MAML3: variants seen among roughly 807,000 people sequenced by gnomAD.
The protein encoded by MAML3 is mastermind like transcriptional coactivator 3, also known as mastermind-like protein 3.
MAML3 carries 27 observed loss-of-function variants against 101.9 expected under a neutral mutation model. The observed-to-expected ratio is 0.27, with a 90% CI of 0.20 to 0.37. The LOEUF is 0.37. MAML3 is among the 10% of genes least tolerant of loss of function. MAML3 has a pLI of 1.00. For missense variants in MAML3, 1,316 were observed against 1,444.9 expected (o/e 0.91, Z 1.45); for synonymous variants, 501 against 555.9 (o/e 0.90, Z 1.39).
chr4:139,879,902 G>T (rs1732185845), intron 2 of MAML3, among the ~76,000 whole-genome samples: 1 of 152,200 alleles, frequency 6.6e-6, no homozygotes, highest in Non-Finnish European at 1.5e-5. Flanking sequence ...GCTGGGTGTG[G>T]TGGCTCACGC....
chr4:139,802,604 C>G (rs1730628651), intron 2 of MAML3, among the ~76,000 whole-genome samples: 1 of 152,062 alleles, frequency 6.6e-6, no homozygotes, highest in African/African-American at 2.4e-5. Flanking sequence ...AAAATGAGTA[C>G]AGTTGTTTGT....
chr4:140,025,128 G>A (rs1726799335), intron 1 of MAML3, among the ~76,000 whole-genome samples: 1 of 152,156 alleles, frequency 6.6e-6, no homozygotes, highest in African/African-American at 2.4e-5. Flanking sequence ...GGACTTTGTC[G>A]GGATCCTGAT....
intron 2 of MAML3, among the ~76,000 whole-genome samples, chr4:139,845,035 A>T (rs1200901624): frequency 1.3e-5 from 2 of 151,018 alleles, no homozygotes; most frequent in Non-Finnish European, 3.0e-5. Flanking sequence ...CCTCTGCCCC[A>T]ACACAGCATC....
At chr4:140,078,027 A>AT (rs61154502) in intron 1 of MAML3, among the ~76,000 whole-genome samples, 129,067 of 149,474 alleles carry the variant, frequency 0.86, 56,749 homozygotes, top group East Asian at 0.96. Flanking sequence ...AAATAAATAA[A>AT]AAAATAAATA....
chr4:139,888,166 G>A (rs983788393), intron 2 of MAML3, among the ~76,000 whole-genome samples: 2 of 152,080 alleles, frequency 1.3e-5, no homozygotes, highest in Non-Finnish European at 2.9e-5. Flanking sequence ...GCTCCATCAA[G>A]CTTGGGGTTT....
chr4:140,068,710 G>A (rs575060276), intron 1 of MAML3, among the ~76,000 whole-genome samples: 14 of 152,240 alleles, frequency 9.2e-5, no homozygotes, highest in Admixed American at 4.6e-4. Context: ...TCATATTGCT[G>A]TGAGGATTTA....
At chr4:139,883,962 A>T (rs552274586) in intron 2 of MAML3, among the ~76,000 whole-genome samples, 28 of 137,574 alleles carry the variant, frequency 2.0e-4, no homozygotes, top group South Asian at 9.5e-4. Context: ...AGTCACTGAA[A>T]CCCCTGCCTC....
chr4:140,063,130 A>T (rs2110941182), intron 1 of MAML3, among the ~76,000 whole-genome samples: 1 of 152,308 alleles, frequency 6.6e-6, no homozygotes, highest in East Asian at 1.9e-4. Flanking sequence ...AATCTGCTTA[A>T]GACCATAGGG....
chr4:140,082,797 T>C (rs923891840), intron 1 of MAML3, among the ~76,000 whole-genome samples: 1 of 151,920 alleles, frequency 6.6e-6, no homozygotes, highest in South Asian at 2.1e-4. Flanking sequence ...AATCCCGAAG[T>C]TGGAGACCAC....
intron 1 of MAML3, among the ~76,000 whole-genome samples, chr4:139,913,287 G>A (rs908472127): frequency 5.9e-5 from 9 of 152,162 alleles, no homozygotes; most frequent in African/African-American, 2.2e-4. Flanking sequence ...TCATCTGGAA[G>A]TTCTGGATTT....
chr4:140,044,127 GA>G (rs11436921), intron 1 of MAML3, among the ~76,000 whole-genome samples: 34 of 147,660 alleles, frequency 2.3e-4, no homozygotes, highest in East Asian at 1.4e-3. Context: ...AAGAAAGAAA[GA>G]AAAAAAAAAA....
At chr4:139,749,797 C>G (rs538670268) in intron 2 of MAML3, among the ~76,000 whole-genome samples, 1 of 152,236 alleles carries the variant, frequency 6.6e-6, no homozygotes, top group East Asian at 1.9e-4. Flanking sequence ...TTGAGCAATG[C>G]AGTAATTATT....
chr4:139,811,331 G>A (rs1188269308), intron 2 of MAML3, among the ~76,000 whole-genome samples: 1 of 152,144 alleles, frequency 6.6e-6, no homozygotes, highest in African/African-American at 2.4e-5. Context: ...GAAAAGCCTT[G>A]GACAAGGGGG....
At chr4:139,930,422 G>A (rs1485168618) in intron 1 of MAML3, among the ~76,000 whole-genome samples, 2 of 152,118 alleles carry the variant, frequency 1.3e-5, no homozygotes, top group African/African-American at 2.4e-5. Flanking sequence ...GAAGAGGAAC[G>A]GTCCCAGCCA....
At chr4:139,934,577 C>T (rs753136150) in intron 1 of MAML3, among the ~76,000 whole-genome samples, 1 of 152,090 alleles carries the variant, frequency 6.6e-6, no homozygotes. Flanking sequence ...AGGGCGTCCA[C>T]GGGGCTCTTC....
intron 1 of MAML3, among the ~76,000 whole-genome samples, chr4:140,012,897 T>G (rs1578642642): frequency 6.6e-6 from 1 of 152,194 alleles, no homozygotes; most frequent in Non-Finnish European, 1.5e-5. Context: ...ATTGGTAAAA[T>G]GTAAACAAGA....
chr4:139,857,723 C>T (rs994053856), intron 2 of MAML3, among the ~76,000 whole-genome samples: 3 of 152,160 alleles, frequency 2.0e-5, no homozygotes, highest in African/African-American at 7.2e-5. Flanking sequence ...CCACCTTTGG[C>T]CCCTAGATAG....
At chr4:139,984,025 T>C (rs1485849027) in intron 1 of MAML3, among the ~76,000 whole-genome samples, 1 of 152,194 alleles carries the variant, frequency 6.6e-6, no homozygotes, top group Non-Finnish European at 1.5e-5. Context: ...ATTATAATAA[T>C]GGACCCTGAG....
chr4:139,719,914 C>T lies in MAML3; in HGVS notation c.2826G>A (p.Arg942=). 6.2e-7 allele frequency: 1 copy of T among 1,614,054 alleles called. No homozygotes were observed. Residue 942 remains arginine (R), a synonymous_variant, in exon 5 of 5, where the codon AGG becomes AGA. Coordinates refer to ENST00000509479, the MANE Select transcript of MAML3 (RefSeq NM_018717.5). ...MKGPVGQALP[R]PQAPPRLQSL... is the part of the protein sequence containing the mutation. ...TCTGCAGCCTTGGAGGGGCTTGGGG[C>T]CTAGGCAAGGCCTGGCCTACTGGCC...
Sources: gnomAD v4.1 joint callset for allele counts (sites outside exome capture counted in the v4.1 genomes callset) on GRCh38, gnomAD v4.1.1 for gene constraint, MANE v1.5 for transcripts, NCBI Gene and HGNC (gene_info 2026-07-23, HGNC 2026-07-21) for gene names.